CTCF: variants seen among roughly 807,000 people sequenced by gnomAD.
CTCF encodes the protein transcriptional repressor CTCF.
CTCF carries 7 observed loss-of-function variants against 72.3 expected under a neutral mutation model. The ratio of observed to expected loss-of-function variants is 0.10; its 90% CI spans 0.06 to 0.18. The LOEUF (loss-of-function observed/expected upper bound fraction) is 0.18. Ranked by LOEUF, CTCF falls within the 10% of genes least tolerant of loss-of-function variation. CTCF has a pLI of 1.00. For missense variants in CTCF, 516 were observed against 949.1 expected, an observed-to-expected ratio of 0.54 and a Z score of 6.00; for synonymous variants, 374 against 315.8, an observed-to-expected ratio of 1.18 and a Z score of -1.95.
At chr16:67,582,222 A>G (rs538509675) in intron 2 of CTCF, among the ~76,000 whole-genome samples, 1 of 151,624 alleles carries the variant, frequency 6.6e-6, no homozygotes, top group Non-Finnish European at 1.5e-5. Context: ...AAAAAAAAAA[A>G]AAAAATCTTC....
intron 2 of CTCF, among the ~76,000 whole-genome samples, chr16:67,604,038 G>A (rs1382731412): frequency 6.7e-6 from 1 of 149,890 alleles, no homozygotes; most frequent in African/African-American, 2.5e-5. Context: ...GCTGAGGTGG[G>A]AGAATCACCT....
At chr16:67,584,876 G>A (rs1390166973) in intron 2 of CTCF, among the ~76,000 whole-genome samples, 3 of 152,006 alleles carry the variant, frequency 2.0e-5, no homozygotes, top group Non-Finnish European at 2.9e-5. Context: ...AATAGTCTTT[G>A]GGTTTCCCAG....
At chr16:67,597,065 A>T (rs1382742727) in intron 2 of CTCF, among the ~76,000 whole-genome samples, 2 of 151,214 alleles carry the variant, frequency 1.3e-5, no homozygotes, top group Non-Finnish European at 2.9e-5. Flanking sequence ...ACAGGGTCTC[A>T]CTCTGCCGCC....
At chr16:67,611,893 G>A (rs1439431592) in intron 3 of CTCF, 58 bp from the exon 4 acceptor site, 18 of 1,418,886 alleles carry the variant, frequency 1.3e-5, no homozygotes, top group Non-Finnish European at 1.7e-5. Flanking sequence ...TTTAAGATTA[G>A]GATTAATCTT....
chr16:67,573,745 T>A (rs540879055), intron 2 of CTCF, among the ~76,000 whole-genome samples: 2 of 152,164 alleles, frequency 1.3e-5, no homozygotes, highest in South Asian at 4.1e-4. Flanking sequence ...AAAAGAAGAC[T>A]TACGTGGCTG....
rs549111284 is a variant in CTCF at position 67,608,018 on chromosome 16, C to CAA, written c.-9-2792_-9-2791dup. Among the ~76,000 whole-genome samples the CAA allele has an allele frequency of 2.6e-3, 280 of 105,772 alleles. 5 individuals are homozygous for CAA. The highest frequency in any genetic ancestry group is 0.01 in the African/African-American group (246 of 24,442). The allele number at this position is 105,772 out of a possible 152,430, so 69.4% of individuals were successfully genotyped here. On this transcript the variant is annotated intron_variant, in intron 2 of 11. Coordinates refer to ENST00000264010, the MANE Select transcript of CTCF (RefSeq NM_006565.4). ...TGGGCGACAGTGCGAGACTCCGACTCAAAAAAAAAAAAAAAGTAAAAACCG... is the reference window on the plus strand; with the variant it reads ...TGGGCGACAGTGCGAGACTCCGACTCAAAAAAAAAAAAAAAAAGTAAAAACCG...
rs987703979 is a variant in CTCF, at chr16:67,575,605, G to T, written c.-10+4341G>T. ...GACTACAGGTGCGCCACCATGTCTAGCTAATTTTTGTATTTTTAGTAGAGA... is the reference window on the plus strand; with the variant it reads ...GACTACAGGTGCGCCACCATGTCTATCTAATTTTTGTATTTTTAGTAGAGA... On this transcript the variant is annotated intron_variant, in intron 2 of 11. Coordinates refer to ENST00000264010, the MANE Select transcript of CTCF (RefSeq NM_006565.4). 3.9e-5 allele frequency among the ~76,000 whole-genome samples: 6 copies of T among 152,136 alleles called. No individual in the cohort carries two copies. In the East Asian group the frequency reaches 9.7e-4, roughly 25 times the overall value.
At chr16:67,636,271 G>A (rs1453656001) in intron 10 of CTCF, among the ~76,000 whole-genome samples, 1 of 152,008 alleles carries the variant, frequency 6.6e-6, no homozygotes, top group Non-Finnish European at 1.5e-5. Context: ...AGCTACTCAG[G>A]AGGCTGAGAC....
chr16:67,629,673 A>G (rs567369399), intron 10 of CTCF, 140 bp downstream of exon 10: 124 of 583,426 alleles, frequency 2.1e-4, no homozygotes, highest in Non-Finnish European at 2.8e-4. Flanking sequence ...CCTAACGTCT[A>G]TTTACAACAG....
chr16:67,636,876 A>T (rs760229266), intron 11 of CTCF, 25 bp downstream of exon 11: 9 of 1,465,676 alleles, frequency 6.1e-6, no homozygotes, highest in Admixed American at 2.2e-5. Flanking sequence ...TCTGCTCTGG[A>T]GGCTGGCGTC....
rs767772762 is a variant in CTCF at position 67,629,537 on chromosome 16, A to G, written c.1837+4A>G. On this transcript the variant is annotated splice_donor_region_variant and intron_variant, in intron 10 of 11. Transcript: ENST00000264010. ...AAAGAAGATTCCTCTGACAGTGGTA[A>G]GTGACTTGTTCCTTGATTTGCTTAC... The G allele has an allele frequency of 4.2e-5, 68 of 1,612,688 alleles. No individual in the cohort carries two copies. Among genetic ancestry groups the G allele is most frequent in the Middle Eastern group, 1.6e-4 (1 of 6,078 alleles).
chr16:67,572,173 G>A (rs1362913558), intron 2 of CTCF, among the ~76,000 whole-genome samples: 1 of 152,140 alleles, frequency 6.6e-6, no homozygotes, highest in Non-Finnish European at 1.5e-5. Context: ...GAAGGGAATA[G>A]GAATGAAAGT....
At chr16:67,636,655 G>T in intron 10 of CTCF, 35 bp from the exon 11 acceptor site, 8 of 1,530,108 alleles carry the variant, frequency 5.2e-6, no homozygotes, top group Non-Finnish European at 7.1e-6. Flanking sequence ...CCTTCTCCTT[G>T]CCCCACCACC....
At chr16:67,627,093 A>G (rs577371519) in intron 8 of CTCF, 6 of 161,896 alleles carry the variant, frequency 3.7e-5, no homozygotes, top group Non-Finnish European at 8.0e-5. Flanking sequence ...TGTGCACCAC[A>G]CTAAAAATAC....
At chr16:67,612,980 C>T (rs984015409) in intron 4 of CTCF, among the ~76,000 whole-genome samples, 2 of 152,186 alleles carry the variant, frequency 1.3e-5, no homozygotes, top group African/African-American at 4.8e-5. Flanking sequence ...TGTTTCACGT[C>T]AAGGAAGATA....
intron 2 of CTCF, among the ~76,000 whole-genome samples, chr16:67,602,065 T>C (rs183649161): frequency 1.1e-3 from 164 of 152,254 alleles, no homozygotes; most frequent in African/African-American, 3.8e-3. Context: ...GGTTTCACCA[T>C]GTAGGTCAGG....
At chr16:67,593,178 A>C (rs1183872277) in intron 2 of CTCF, among the ~76,000 whole-genome samples, 1 of 151,768 alleles carries the variant, frequency 6.6e-6, no homozygotes, top group Non-Finnish European at 1.5e-5. Flanking sequence ...GTTCTCTTAA[A>C]ATTTTTTACA....
chr16:67,574,987 C>T (rs2051475677), intron 2 of CTCF, among the ~76,000 whole-genome samples: 2 of 152,048 alleles, frequency 1.3e-5, no homozygotes, highest in African/African-American at 2.4e-5. Flanking sequence ...GTGTGTTTTA[C>T]AATTACTAAG....
At chr16:67,593,242 A>G (rs2051769866) in intron 2 of CTCF, among the ~76,000 whole-genome samples, 1 of 151,852 alleles carries the variant, frequency 6.6e-6, no homozygotes, top group Admixed American at 6.6e-5. Flanking sequence ...TTTTGTGTAC[A>G]TGGGTATATT....
Sources: gnomAD v4.1 joint callset for allele counts (sites outside exome capture counted in the v4.1 genomes callset) on GRCh38, gnomAD v4.1.1 for gene constraint, MANE v1.5 for transcripts, NCBI Gene and HGNC (gene_info 2026-07-23, HGNC 2026-07-21) for gene names.